DACT2: variants seen among roughly 807,000 people sequenced by gnomAD.
The protein encoded by DACT2 is dishevelled binding antagonist of beta catenin 2.
A neutral mutation model predicts 22.2 loss-of-function variants in DACT2; 20 were observed. The observed-to-expected ratio is 0.90, with a 90% CI of 0.63 to 1.31. The LOEUF is 1.31. DACT2 is among the 50% of genes most tolerant of loss of function. The pLI, the probability that DACT2 is intolerant of heterozygous loss-of-function variation, is 0.00. For synonymous variants in DACT2, 463 were observed against 479.8 expected (o/e 0.96, Z 0.46); for missense variants, 1,048 against 1,061.4 (o/e 0.99, Z 0.18).
chr6:168,309,335 T>C (rs1253584814), intron 3 of DACT2, among the ~76,000 whole-genome samples: 1 of 151,934 alleles, frequency 6.6e-6, no homozygotes, highest in African/African-American at 2.4e-5. Context: ...GGAATGCGTT[T>C]AGACACAGGG....
chr6:168,302,879 C>T (rs545298811), downstream of DACT2, among the ~76,000 whole-genome samples: 24 of 152,274 alleles, frequency 1.6e-4, no homozygotes, highest in African/African-American at 5.5e-4. Flanking sequence ...TTGAGGGCCG[C>T]GGTGTGTGAA....
Position 168,307,448 on chromosome 6 carries a change from A to G in DACT2, c.2309T>C (p.Val770Ala), listed in dbSNP as rs1411696651. 3 of 1,551,446 alleles carry G rather than the reference A, an allele frequency of 1.9e-6. No homozygotes were observed. Among genetic ancestry groups the G allele is most frequent in the Non-Finnish European group, 2.6e-6 (3 of 1,146,984 alleles). Residue 770 changes from valine to alanine, a missense_variant, in exon 4 of 4, where the codon GTC becomes GCC. Physicochemically the swap from Val to Ala is moderately conservative, Grantham distance 64. Transcript: ENST00000366795. This position sits in a 1 kb window ranked among gnomAD's most constrained non-coding sequence, Gnocchi z 5.3. ...CACTGCACCTCACACCATGGTCATG[A>G]CCTTCAGGGCCGTCGGCTGGAACCT... The part of the protein sequence containing the change: ...IRRFQPTALK[V>A]MTMV
rs137910452 is a variant in DACT2 at position 168,313,799 on chromosome 6, G to A, written c.247-2515C>T. Among the ~76,000 whole-genome samples the A allele has an allele frequency of 5.2e-3, 792 of 152,172 alleles. 9 individuals are homozygous for A. Among genetic ancestry groups the A allele is most frequent in the Middle Eastern group, 0.024 (7 of 294 alleles). On this transcript the variant is annotated intron_variant, in intron 1 of 3. Transcript: ENST00000366795. ...AGCTTTGTCCTCCTCCCCCAGCCCC[G>A]TTCCCGCCCCCGTGTCTGTGCTGGG... is the stretch of plus-strand genomic sequence containing the variant.
At chr6:168,314,666 C>A (rs376253042) in intron 1 of DACT2, among the ~76,000 whole-genome samples, 38 of 152,342 alleles carry the variant, frequency 2.5e-4, no homozygotes, top group African/African-American at 8.4e-4. Context: ...GACATCGCAA[C>A]ACCTTTACGG....
downstream of DACT2, among the ~76,000 whole-genome samples, chr6:168,304,114 GC>G (rs1454857892): frequency 3.9e-5 from 6 of 152,312 alleles, no homozygotes; most frequent in African/African-American, 1.4e-4. Flanking sequence ...GAGGGAAACA[GC>G]TCCTCTGTCT....
At chr6:168,312,961 C>G (rs900336828) in intron 1 of DACT2, among the ~76,000 whole-genome samples, 3 of 152,224 alleles carry the variant, frequency 2.0e-5, no homozygotes, top group Non-Finnish European at 4.4e-5. Flanking sequence ...CACACAGCTT[C>G]TGTGCCAGGA....
chr6:168,308,019 G>T lies in DACT2; in HGVS notation c.1738C>A (p.Gln580Lys), dbSNP rs2114904830. 1 of 1,550,408 alleles carries T rather than the reference G, an allele frequency of 6.4e-7. No homozygotes were observed. Among genetic ancestry groups the T allele is most frequent in the Non-Finnish European group, 8.7e-7 (1 of 1,146,402 alleles). The change falls in exon 4 of 4, where the codon CAG becomes AAG. Residue 580 changes from glutamine (Q) to lysine (K), a missense_variant. Gln to Lys is a moderately conservative substitution (Grantham distance 53). Coordinates refer to ENST00000366795, the MANE Select transcript of DACT2 (RefSeq NM_214462.5). ...PVLVPLAVAP[Q>K]ESHRTSAQAL... ...TGGGCTGAGGTCCGGTGGCTCTCCT[G>T]CGGGGCCACTGCCAAGGGGACGAGG...
rs764133000 is a variant in DACT2, at chr6:168,308,538, C to T, written c.1219G>A (p.Gly407Arg). Residue 407 changes from glycine (G) to arginine (R), a missense_variant, in exon 4 of 4, where the codon GGA becomes AGA. By Grantham distance (125) the Gly-to-Arg change is moderately radical (BLOSUM62 -2). Transcript: ENST00000366795. ...TGGGGACCCTCAAGGGGCATGTATC[C>T]CTGCTGCTGGGGCCCGCCCCTGCCG... ...GAGRGGPQQQ[G>R]YMPLEGPQQS... 3.6e-5 allele frequency: 55 copies of T among 1,546,052 alleles called. No individual in the cohort carries two copies. Among genetic ancestry groups the T allele is most frequent in the South Asian group, 8.4e-5 (7 of 83,368 alleles).
At chr6:168,311,504 A>C (rs1428753408) in intron 1 of DACT2, among the ~76,000 whole-genome samples, 48 of 148,304 alleles carry the variant, frequency 3.2e-4, no homozygotes, top group African/African-American at 1.2e-3. Flanking sequence ...CGCCCCCCAC[A>C]CACATACACA....
chr6:168,294,629 C>T (rs4708710), intron 4 of DACT2: 871,104 of 1,416,790 alleles, frequency 0.61, 272,537 homozygotes, highest in East Asian at 0.88. Context: ...ACATCCTTCC[C>T]TACCTGTCAG....
chr6:168,298,457 A>T (rs1266867185), intron 3 of DACT2: 1 of 152,234 alleles, frequency 6.6e-6, no homozygotes, highest in Non-Finnish European at 1.5e-5. Flanking sequence ...AGAGAGGCCA[A>T]GTACACACCT....
At chr6:168,302,562 T>A (rs1167559698), downstream of DACT2, among the ~76,000 whole-genome samples, 1 of 152,232 alleles carries the variant, frequency 6.6e-6, no homozygotes, top group Non-Finnish European at 1.5e-5. Context: ...AGCAAACATT[T>A]CAACTATGCA....
Position 168,319,369 on chromosome 6 carries a change from CCCGGCG to C in DACT2, c.246+13_246+18del, listed in dbSNP as rs1206877775. The C allele has an allele frequency of 1.0e-5, 12 of 1,197,308 alleles. No homozygotes were observed. The highest frequency in any genetic ancestry group is 1.6e-5 in the African/African-American group (1 of 62,936). 74.2% of individuals were successfully genotyped at this position (1,197,308 alleles called of 1,614,324 possible). A position where few individuals can be genotyped will look rare whatever the true frequency, so the allele number is the denominator to read the frequency against. On this transcript the variant is annotated intron_variant, in intron 1 of 3. Coordinates refer to ENST00000366795, the MANE Select transcript of DACT2 (RefSeq NM_214462.5). ...GCCCGCACACCTCGCAGCCCCGAGT[CCCGGCG>C]CCCGGTCCTTACCAGCTGCTCCTGC...
downstream of DACT2, among the ~76,000 whole-genome samples, chr6:168,302,998 T>C (rs919190095): frequency 6.6e-6 from 1 of 152,196 alleles, no homozygotes; most frequent in African/African-American, 2.4e-5. Flanking sequence ...AAAATAAATA[T>C]ACTTTTTATC....
At chr6:168,298,835 C>T (rs1779051606) in intron 3 of DACT2, 1 of 152,160 alleles carries the variant, frequency 6.6e-6, no homozygotes, top group Admixed American at 6.5e-5. Flanking sequence ...CCTGAGCAAG[C>T]CAACTATTCA....
Position 168,319,506 on chromosome 6 carries a change from A to AC in DACT2, c.127dup (p.Val43GlyfsTer62). 1.5e-6 allele frequency: 2 copies of AC among 1,322,782 alleles called. No homozygotes were observed. The highest frequency in any genetic ancestry group is 1.9e-6 in the Non-Finnish European group (2 of 1,029,338). The allele number at this position is 1,322,782 out of a possible 1,614,324, so 81.9% of individuals were successfully genotyped here. Reference sequence around the variant, plus strand: ...GGGCTGCAGGGCCAGGGCGCCCCGTACCCGCTCCTGCTGCGTGGCTCGCAG... The same window carrying AC: ...GGGCTGCAGGGCCAGGGCGCCCCGTACCCCGCTCCTGCTGCGTGGCTCGCAG... On this transcript the variant is annotated frameshift_variant, in exon 1 of 4. Coordinates refer to ENST00000366795, the MANE Select transcript of DACT2 (RefSeq NM_214462.5). LOFTEE classifies it high-confidence loss of function.
At chr6:168,306,608 ATTT>A (rs61347395), downstream of DACT2, among the ~76,000 whole-genome samples, 2 of 142,284 alleles carry the variant, frequency 1.4e-5, no homozygotes. Flanking sequence ...AAACCCAGCT[ATTT>A]TTTTTTTTTT....
downstream of DACT2, among the ~76,000 whole-genome samples, chr6:168,304,392 A>G (rs1167857263): frequency 6.6e-6 from 1 of 152,238 alleles, no homozygotes; most frequent in Non-Finnish European, 1.5e-5. Flanking sequence ...CTGAATTCAC[A>G]GTGCTTAAGA....
rs1779002556 is a variant in DACT2, at chr6:168,296,051, CCACAGCGG to C, written c.659-1355_659-1348del. On this transcript the variant is annotated intron_variant, in intron 3 of 5. Coordinates refer to the DACT2 transcript ENST00000366796. Reference sequence around the variant, plus strand: ...GGAATCACGGAAAGAGCAGATCCATCCACAGCGGTGAGGAGATGGTCATGGAGGACAGG... The same window carrying C: ...GGAATCACGGAAAGAGCAGATCCATCTGAGGAGATGGTCATGGAGGACAGG... Among the ~76,000 whole-genome samples the C allele has an allele frequency of 1.4e-5, 2 of 142,814 alleles. 1 individual carries two copies. The highest frequency in any genetic ancestry group is 4.7e-4 in the East Asian group (2 of 4,288). 93.7% of individuals were successfully genotyped at this position (142,814 alleles called of 152,430 possible).
Sources: gnomAD v4.1 joint callset for allele counts (sites outside exome capture counted in the v4.1 genomes callset) on GRCh38, gnomAD v4.1.1 for gene constraint, Gnocchi (gnomAD v3.1) non-coding constraint, MANE v1.5 for transcripts, NCBI Gene and HGNC (gene_info 2026-07-23, HGNC 2026-07-21) for gene names.